The following DSCAM variants were observed in gnomAD, a reference collection of about 807,000 sequenced individuals.
DSCAM encodes cell adhesion molecule DSCAM.
In DSCAM, 47 loss-of-function variants were observed where a neutral mutation model predicts 217.7. The observed-to-expected ratio is 0.22, with a 90% confidence interval of 0.17 to 0.28. The LOEUF is 0.28. DSCAM is among the 10% of genes least tolerant of loss of function. The probability of loss-of-function intolerance (pLI) is 1.00; values close to 1 mark genes in which losing one functional copy is unlikely to be tolerated. For missense variants in DSCAM, 2,080 were observed against 2,618.3 expected, an observed-to-expected ratio of 0.79 and a Z score of 4.49; for synonymous variants, 1,056 against 1,015.3, an observed-to-expected ratio of 1.04 and a Z score of -0.76.
At chr21:40,372,732 A>G (rs2074911197) in intron 3 of DSCAM, among the ~76,000 whole-genome samples, 2 of 152,322 alleles carry the variant, frequency 1.3e-5, no homozygotes, top group South Asian at 4.1e-4. Flanking sequence ...GTCAACACAC[A>G]GTGTGATGCA....
At chr21:40,114,032 T>C (rs923247670) in intron 20 of DSCAM, among the ~76,000 whole-genome samples, 2 of 152,002 alleles carry the variant, frequency 1.3e-5, no homozygotes, top group Non-Finnish European at 2.9e-5. Flanking sequence ...AAGCTACCAA[T>C]GACTTTCTTC....
chr21:40,200,860 C>A (rs924862958), intron 11 of DSCAM, among the ~76,000 whole-genome samples: 1 of 152,194 alleles, frequency 6.6e-6, no homozygotes, highest in Non-Finnish European at 1.5e-5. Context: ...CACAGAAACA[C>A]CAAGTGTGAT....
intron 3 of DSCAM, among the ~76,000 whole-genome samples, chr21:40,382,158 G>T (rs2075033006): frequency 6.6e-6 from 1 of 152,098 alleles, no homozygotes; most frequent in African/African-American, 2.4e-5. Flanking sequence ...GATTCTTAAA[G>T]TTCTCTCTTT....
chr21:40,351,815 C>A (rs2074634320), intron 5 of DSCAM, among the ~76,000 whole-genome samples: 1 of 152,088 alleles, frequency 6.6e-6, no homozygotes, highest in Non-Finnish European at 1.5e-5. Context: ...CAGTAACATA[C>A]TCTGAGTTGA....
chr21:40,266,839 T>C (rs1210772259), intron 11 of DSCAM, among the ~76,000 whole-genome samples: 1 of 144,922 alleles, frequency 6.9e-6, no homozygotes, highest in African/African-American at 2.6e-5. Context: ...GAAGTACTAC[T>C]AAGCCATAAA....
At chr21:40,244,763 G>A (rs576088486) in intron 11 of DSCAM, among the ~76,000 whole-genome samples, 13 of 152,172 alleles carry the variant, frequency 8.5e-5, no homozygotes, top group Non-Finnish European at 1.8e-4. Flanking sequence ...GAAGTAATCT[G>A]ATGTGCAGTT....
chr21:40,130,346 C>G (rs556324448), intron 19 of DSCAM, among the ~76,000 whole-genome samples: 9 of 152,176 alleles, frequency 5.9e-5, no homozygotes, highest in Admixed American at 5.2e-4. Context: ...AGTCGTCCTT[C>G]GTGTTTCTGC....
intron 3 of DSCAM, among the ~76,000 whole-genome samples, chr21:40,390,479 C>G (rs2075124092): frequency 6.6e-6 from 1 of 152,208 alleles, no homozygotes; most frequent in Admixed American, 6.5e-5. Flanking sequence ...GCTTCACCTT[C>G]TGATGTGGCA....
At chr21:40,518,542 G>A (rs1452829586) in intron 3 of DSCAM, among the ~76,000 whole-genome samples, 4 of 56,832 alleles carry the variant, frequency 7.0e-5, no homozygotes, top group African/African-American at 2.8e-4. Context: ...ATATATATAT[G>A]TACACACACA....
chr21:40,028,704 C>T lies in DSCAM; in HGVS notation c.5686+13667G>A, dbSNP rs140434434. On this transcript the variant is annotated intron_variant, in intron 32 of 32. Transcript: ENST00000400454. ...AGTGAGGCAATGCCTCGCTCTGCTT[C>T]GGCTCACGCACAGTGTGCGCACCCA... Among the ~76,000 whole-genome samples the T allele has an allele frequency of 1.8e-3, 279 of 152,272 alleles. 3 individuals are homozygous for T. The highest frequency in any genetic ancestry group is 6.0e-3 in the African/African-American group (248 of 41,564).
chr21:40,261,095 A>T (rs1410149170), intron 11 of DSCAM, among the ~76,000 whole-genome samples: 1 of 152,204 alleles, frequency 6.6e-6, no homozygotes, highest in Non-Finnish European at 1.5e-5. Context: ...ATGACCAAAC[A>T]TCTGTTCTTT....
chr21:40,724,814 C>T (rs941924810), intron 1 of DSCAM, among the ~76,000 whole-genome samples: 2 of 152,146 alleles, frequency 1.3e-5, no homozygotes, highest in African/African-American at 4.8e-5. Flanking sequence ...CACTGTTGAG[C>T]ATTATTTTCT....
chr21:40,046,728 G>A (rs2088847220), intron 30 of DSCAM, among the ~76,000 whole-genome samples: 1 of 151,662 alleles, frequency 6.6e-6, no homozygotes, highest in African/African-American at 2.4e-5. Context: ...AACTACAACT[G>A]TTGTAGCTCA....
chr21:40,660,522 C>T (rs1225913294), intron 3 of DSCAM, among the ~76,000 whole-genome samples: 1 of 152,124 alleles, frequency 6.6e-6, no homozygotes, highest in Admixed American at 6.5e-5. Context: ...CAAAACATGG[C>T]CCAAATGGAC....
At chr21:40,505,165 A>T (rs1336780508) in intron 3 of DSCAM, among the ~76,000 whole-genome samples, 1 of 152,204 alleles carries the variant, frequency 6.6e-6, no homozygotes, top group Non-Finnish European at 1.5e-5. Flanking sequence ...GAGTTAGAAA[A>T]ATCAGTGGAA....
chr21:40,413,463 A>T (rs1177661819), intron 3 of DSCAM, among the ~76,000 whole-genome samples: 2 of 152,204 alleles, frequency 1.3e-5, no homozygotes, highest in African/African-American at 2.4e-5. Flanking sequence ...GTCAAAGGAG[A>T]TCATTTTGGA....
chr21:40,639,764 A>G lies in DSCAM; in HGVS notation c.508+53046T>C, dbSNP rs191069719. Among the ~76,000 whole-genome samples, 581 of 152,224 alleles carry G rather than the reference A, an allele frequency of 3.8e-3. 4 individuals carry two copies. Among genetic ancestry groups the G allele is most frequent in the Middle Eastern group, 0.02 (6 of 294 alleles). ...TCTAAACCCTTAAAGTTACAGCCCCAGGAGAAATAAAAGCCATCACAATTC... is the reference window on the plus strand; with the variant it reads ...TCTAAACCCTTAAAGTTACAGCCCCGGGAGAAATAAAAGCCATCACAATTC... On this transcript the variant is annotated intron_variant, in intron 3 of 32. Transcript: ENST00000400454.
chr21:40,376,785 C>A (rs1753602733), intron 3 of DSCAM, among the ~76,000 whole-genome samples: 1 of 150,596 alleles, frequency 6.6e-6, no homozygotes, highest in Non-Finnish European at 1.5e-5. Flanking sequence ...ATTTCCTGAG[C>A]AATTGAGTTG....
intron 3 of DSCAM, among the ~76,000 whole-genome samples, chr21:40,375,866 T>C (rs766000245): frequency 6.6e-6 from 1 of 152,226 alleles, no homozygotes; most frequent in Non-Finnish European, 1.5e-5. Context: ...CATTTCCTCA[T>C]GTAGACTGCA....
Sources: gnomAD v4.1 joint callset for allele counts (sites outside exome capture counted in the v4.1 genomes callset) on GRCh38, gnomAD v4.1.1 for gene constraint, MANE v1.5 for transcripts, NCBI Gene and HGNC (gene_info 2026-07-23, HGNC 2026-07-21) for gene names.